TMEM255B: variants seen among roughly 807,000 people sequenced by gnomAD.
TMEM255B encodes the protein transmembrane protein 255B, also known as family with sequence similarity 70, member B.
In TMEM255B, 35 loss-of-function variants were observed where a neutral mutation model predicts 34.5. The ratio of observed to expected loss-of-function variants is 1.01; its 90% CI spans 0.77 to 1.34. TMEM255B has a LOEUF of 1.34. Among genes scored for constraint, TMEM255B ranks in the 40% most tolerant of loss-of-function variants. The pLI is 0.00. For synonymous variants in TMEM255B, 206 were observed against 201.2 expected (o/e 1.02, Z -0.20); for missense variants, 432 against 433.2 (o/e 1.00, Z 0.02).
chr13:113,775,025 CCACACATGA>C (rs1279880575), intron 3 of TMEM255B, among the ~76,000 whole-genome samples: 1 of 102,668 alleles, frequency 9.7e-6, no homozygotes, highest in Non-Finnish European at 2.0e-5. Context: ...ACAACACACA[CCACACATGA>C]CACACATTGC....
intron 7 of TMEM255B, among the ~76,000 whole-genome samples, chr13:113,802,247 G>A (rs2051079345): frequency 1.3e-5 from 2 of 152,192 alleles, no homozygotes. Context: ...GGGAGGGAAG[G>A]GGCCCCTCGC....
At chr13:113,793,986 C>CAGCGGGT (rs1594148822) in intron 3 of TMEM255B, among the ~76,000 whole-genome samples, 1 of 152,248 alleles carries the variant, frequency 6.6e-6, no homozygotes, top group Non-Finnish European at 1.5e-5. Context: ...CCTGCGAATC[C>CAGCGGGT]AGCGGGTAGC....
At chr13:113,800,759 C>G (rs1037505056) in intron 5 of TMEM255B, 68 bp from the exon 6 acceptor site, 53 of 1,478,602 alleles carry the variant, frequency 3.6e-5, no homozygotes, top group Non-Finnish European at 4.6e-5. Context: ...TGAGGCAGCC[C>G]TGCCCTTGGT....
chr13:113,783,292 T>G (rs919889550), intron 3 of TMEM255B, among the ~76,000 whole-genome samples: 1 of 152,188 alleles, frequency 6.6e-6, no homozygotes, highest in Non-Finnish European at 1.5e-5. Flanking sequence ...TTTCTTTGCC[T>G]GAAGCCAGTG....
intron 4 of TMEM255B, among the ~76,000 whole-genome samples, chr13:113,796,006 C>CA (rs2050923954): frequency 7.0e-6 from 1 of 142,706 alleles, no homozygotes; most frequent in Admixed American, 7.0e-5. Flanking sequence ...GCACACAACA[C>CA]ACAGAGCACA....
chr13:113,811,083 C>T (rs930750542), intron 8 of TMEM255B, among the ~76,000 whole-genome samples: 8 of 151,802 alleles, frequency 5.3e-5, no homozygotes, highest in Non-Finnish European at 8.8e-5. Context: ...AGTGAGGCCC[C>T]GGCCACCCTC....
At chr13:113,804,652 G>C (rs57217607) in intron 7 of TMEM255B, among the ~76,000 whole-genome samples, 11,513 of 85,768 alleles carry the variant, frequency 0.13, no homozygotes, top group African/African-American at 0.33. Flanking sequence ...GCCGGGCCGG[G>C]GTTAGCTCCA....
chr13:113,764,247 C>A (rs918643162), intron 1 of TMEM255B, among the ~76,000 whole-genome samples: 1 of 152,190 alleles, frequency 6.6e-6, no homozygotes, highest in Non-Finnish European at 1.5e-5. Flanking sequence ...GGCCTTGGGG[C>A]TCCTGGTGCT....
At chr13:113,781,613 G>A (rs1486459026) in intron 3 of TMEM255B, among the ~76,000 whole-genome samples, 1 of 152,196 alleles carries the variant, frequency 6.6e-6, no homozygotes, top group East Asian at 1.9e-4. Context: ...AGACAGAAGT[G>A]CACACAAGGT....
In TMEM255B at chr13:113,815,073, A is replaced by C. The variant is rs1433667646; in HGVS notation, c.*3170A>C. ...TTGCCCTGGGCAGGGGTCCGTTGAG[A>C]CTGGCCCCACCTTATTAGCTTGGGA... On this transcript the variant is annotated 3_prime_UTR_variant, in exon 9 of 9. Coordinates refer to ENST00000375353, the MANE Select transcript of TMEM255B (RefSeq NM_182614.4). 1 of 151,930 alleles carries C rather than the reference A, an allele frequency of 6.6e-6. No homozygotes were observed. Among genetic ancestry groups the C allele is most frequent in the African/African-American group, 2.4e-5 (1 of 41,306 alleles). 9.4% of individuals were successfully genotyped at this position (151,930 alleles called of 1,614,324 possible).
chr13:113,791,383 G>T (rs1175751978), intron 3 of TMEM255B, among the ~76,000 whole-genome samples: 2 of 152,248 alleles, frequency 1.3e-5, no homozygotes, highest in Non-Finnish European at 2.9e-5. Flanking sequence ...AGGGACGCTG[G>T]ATCCTCCTGG....
chr13:113,799,847 C>G, intron 5 of TMEM255B: 1 of 704,848 alleles, frequency 1.4e-6, no homozygotes, highest in South Asian at 1.5e-5. Flanking sequence ...TAATGACCCG[C>G]GGGCGGCCGC....
At position 113,801,914 on chromosome 13, in the gene TMEM255B, T is replaced by A. The variant is rs1022857726; in HGVS notation, c.669+102T>A. 9 of 1,310,626 alleles carry A rather than the reference T, an allele frequency of 6.9e-6. No homozygotes were observed. The Admixed American group carries it at 1.9e-4, about 28-fold the overall frequency. 81.2% of individuals were successfully genotyped at this position (1,310,626 alleles called of 1,614,324 possible). ...GGGCCTCCAGCCCTCACTTTACAGA[T>A]GGGGCACTGAAGCCCATGCGTCTGT... On this transcript the variant is annotated intron_variant, in intron 7 of 8. Transcript: ENST00000375353.
rs117209253 is a variant in TMEM255B at position 113,769,079 on chromosome 13, G to T, written c.190-19G>T. The T allele has an allele frequency of 3.1e-6, 5 of 1,613,892 alleles. No individual in the cohort carries two copies. The highest frequency in any genetic ancestry group is 4.2e-6 in the Non-Finnish European group (5 of 1,179,812). ...GCACGTTAATGAGTGTTTCTCTCTC[G>T]TTCTTCCTTTGGTTTTAGCTCGGCT... On this transcript the variant is annotated intron_variant, in intron 2 of 8. Transcript: ENST00000375353. The surrounding 1 kb of genome is among the most constrained non-coding windows in gnomAD (Gnocchi z 4.2).
In TMEM255B at chr13:113,801,670, CCTA is replaced by C; in HGVS notation, c.531_533del (p.Tyr178del). 1 of 1,610,944 alleles carries C rather than the reference CCTA, an allele frequency of 6.2e-7. No homozygotes were observed. The highest frequency in any genetic ancestry group is 1.1e-5 in the South Asian group (1 of 90,804). Reference sequence around the variant, plus strand: ...CTGTGCAGCGCAGAGCCCTCGCCCGCCTACTATGAGTTCATCGGCGTCAGCGGC... The same window carrying C: ...CTGTGCAGCGCAGAGCCCTCGCCCGCCTATGAGTTCATCGGCGTCAGCGGC... On this transcript the variant is annotated inframe_deletion, in exon 7 of 9. Transcript: ENST00000375353.
intron 3 of TMEM255B, among the ~76,000 whole-genome samples, chr13:113,771,421 C>G (rs920521823): frequency 6.6e-6 from 1 of 152,166 alleles, no homozygotes; most frequent in Non-Finnish European, 1.5e-5. Context: ...GTGGCTCATG[C>G]CTGTAATCCT....
chr13:113,812,977 A>ACAGGCCC lies in TMEM255B; in HGVS notation c.*1075_*1076insAGGCCCC, dbSNP rs1566342254. On this transcript the variant is annotated 3_prime_UTR_variant, in exon 9 of 9. Coordinates refer to ENST00000375353, the MANE Select transcript of TMEM255B (RefSeq NM_182614.4). ...GTGGGTCACGGGCCCCGGGTGGGTC[A>ACAGGCCC]CGGGTCCCGGGTGGGTCACGGGTCC... 1.7e-4 allele frequency: 23 copies of ACAGGCCC among 132,296 alleles called. No individual in the cohort carries two copies. Among genetic ancestry groups the ACAGGCCC allele is most frequent in the Non-Finnish European group, 2.4e-4 (14 of 57,912 alleles). The allele number at this position is 132,296 out of a possible 1,614,324, so 8.2% of individuals were successfully genotyped here. A position where few individuals can be genotyped will look rare whatever the true frequency, so the allele number is the denominator to read the frequency against.
chr13:113,791,307 T>G (rs1483431084), intron 3 of TMEM255B, among the ~76,000 whole-genome samples: 1 of 152,224 alleles, frequency 6.6e-6, no homozygotes, highest in Non-Finnish European at 1.5e-5. Flanking sequence ...ATGAGTCACC[T>G]GCCACCCACT....
intron 8 of TMEM255B, among the ~76,000 whole-genome samples, chr13:113,807,647 C>T (rs1205529757): frequency 9.1e-6 from 1 of 110,036 alleles, no homozygotes; most frequent in Admixed American, 1.1e-4. Context: ...CTGTCACACG[C>T]AGGCTTACGG....
Sources: allele counts gnomAD v4.1 joint callset (sites outside exome capture counted in the v4.1 genomes callset), GRCh38; gene constraint gnomAD v4.1.1; non-coding constraint Gnocchi (gnomAD v3.1); transcripts MANE v1.5; gene names NCBI Gene and HGNC (gene_info 2026-07-23, HGNC 2026-07-21).